DNAH12: variants seen among roughly 807,000 people sequenced by gnomAD.
DNAH12 encodes the protein axonemal beta dynein heavy chain 12.
DNAH12 carries 285 observed loss-of-function variants against 371.5 expected under a neutral mutation model. That is an observed-to-expected ratio of 0.77 (90% CI 0.70 to 0.85). The LOEUF (loss-of-function observed/expected upper bound fraction) is 0.85. DNAH12 is among the 40% of genes least tolerant of loss of function. DNAH12 has a pLI of 0.00. For synonymous variants in DNAH12, 1,200 were observed against 1,213.0 expected, an observed-to-expected ratio of 0.99 and a Z score of 0.22; for missense variants, 3,611 against 3,689.4, an observed-to-expected ratio of 0.98 and a Z score of 0.55.
At position 57,325,641 on chromosome 3, in the gene DNAH12, G is replaced by A. The variant is rs556884186; in HGVS notation, c.9979-2022C>T. 2.6e-5 allele frequency among the ~76,000 whole-genome samples: 4 copies of A among 152,220 alleles called. No individual in the cohort carries two copies. The East Asian group carries it at 7.7e-4, about 29-fold the overall frequency. On this transcript the variant is annotated intron_variant, in intron 62 of 73. Coordinates refer to ENST00000495027, the MANE Select transcript of DNAH12 (RefSeq NM_001366028.2). ...GGGGAAAAAACAGAGCAGAAAAACT[G>A]GAAACTCTAAAAAGCAGAGCACCTC...
chr3:57,429,880 T>A lies in DNAH12; in HGVS notation c.4981-106A>T, dbSNP rs148102577. ...AAGTAGCTCCTGTGATATAATGGAATAAGAATTAGAATGGAAGCCAGAAAA... is the reference window on the plus strand; with the variant it reads ...AAGTAGCTCCTGTGATATAATGGAAAAAGAATTAGAATGGAAGCCAGAAAA... On this transcript the variant is annotated intron_variant, in intron 32 of 73. Coordinates refer to ENST00000495027, the MANE Select transcript of DNAH12 (RefSeq NM_001366028.2). 1,075 of 950,864 alleles carry A rather than the reference T, an allele frequency of 1.1e-3. 10 individuals are homozygous for A. In the African/African-American group the frequency reaches 0.017, roughly 15 times the overall value. 58.9% of individuals were successfully genotyped at this position (950,864 alleles called of 1,614,324 possible).
chr3:57,544,754 AG>A (rs774975059), upstream of DNAH12, among the ~76,000 whole-genome samples: 5 of 152,202 alleles, frequency 3.3e-5, no homozygotes, highest in Non-Finnish European at 5.9e-5. Context: ...CAGCACTTCC[AG>A]GAATTCTTTG....
Position 57,373,680 on chromosome 3 carries a change from T to C in DNAH12, c.8759+1691A>G, listed in dbSNP as rs934360941. On this transcript the variant is annotated intron_variant, in intron 55 of 73. Coordinates refer to ENST00000495027, the MANE Select transcript of DNAH12 (RefSeq NM_001366028.2). ...ACAATCTGAATGGTCACGAAACACATGGAAATGGGTTCTAAAACAGAATTA... is the reference window on the plus strand; with the variant it reads ...ACAATCTGAATGGTCACGAAACACACGGAAATGGGTTCTAAAACAGAATTA... Among the ~76,000 whole-genome samples the C allele has an allele frequency of 6.2e-4, 95 of 152,234 alleles. 2 individuals carry two copies. In the East Asian group the frequency reaches 0.017, roughly 28 times the overall value.
rs148298005 is a variant in DNAH12 at position 57,296,814 on chromosome 3, T to C, written c.11532+33A>G. The stretch of plus-strand genomic sequence containing the variant: ...GGTTTAAATACATGACTTAATGTAA[T>C]GATATACTGTTGACTTTAAGGAGTT... On this transcript the variant is annotated intron_variant, in intron 71 of 73. Coordinates refer to ENST00000495027, the MANE Select transcript of DNAH12 (RefSeq NM_001366028.2). The C allele has an allele frequency of 1.9e-4, 290 of 1,547,018 alleles. 1 individual carries two copies. The African/African-American group carries it at 3.7e-3, about 20-fold the overall frequency.
Position 57,539,829 on chromosome 3 carries a change from G to A in DNAH12, c.170+2872C>T, listed in dbSNP as rs28408101. Among the ~76,000 whole-genome samples the A allele has an allele frequency of 4.5e-4, 68 of 151,814 alleles. 3 individuals are homozygous for A. The highest frequency in any genetic ancestry group is 6.8e-3 in the Middle Eastern group (2 of 294). The stretch of plus-strand genomic sequence containing the variant: ...GACAGGGTTTCACTGTGTTAGCCAG[G>A]ATGGTCTTGATCTTCTGACCTTGTG... On this transcript the variant is annotated intron_variant, in intron 2 of 73. Transcript: ENST00000495027.
chr3:57,531,500 G>A (rs1485603676), intron 2 of DNAH12, among the ~76,000 whole-genome samples: 1 of 152,034 alleles, frequency 6.6e-6, no homozygotes, highest in Non-Finnish European at 1.5e-5. Flanking sequence ...GGTGGCTCAC[G>A]TCTGTAATCC....
intron 11 of DNAH12, among the ~76,000 whole-genome samples, chr3:57,491,947 G>A (rs1428635199): frequency 1.3e-5 from 2 of 151,598 alleles, no homozygotes; most frequent in Non-Finnish European, 2.9e-5. Context: ...CAGAGGCTGC[G>A]TTGAGCCGTG....
chr3:57,322,846 C>T (rs557799211), intron 64 of DNAH12, among the ~76,000 whole-genome samples, 161 bp downstream of exon 64: 4 of 152,366 alleles, frequency 2.6e-5, no homozygotes, highest in African/African-American at 9.6e-5. Flanking sequence ...AGGAGAATCG[C>T]TTGAACCCGG....
At chr3:57,479,285 A>G (rs2066651137) in intron 13 of DNAH12, among the ~76,000 whole-genome samples, 1 of 152,132 alleles carries the variant, frequency 6.6e-6, no homozygotes, top group Non-Finnish European at 1.5e-5. Flanking sequence ...TCTCTGATAA[A>G]ACAGACTTTA....
intron 22 of DNAH12, 114 bp from the exon 23 acceptor site, chr3:57,455,008 T>C (rs1357383006): frequency 2.6e-6 from 3 of 1,141,500 alleles, no homozygotes; most frequent in East Asian, 5.9e-5. Context: ...GAATGTCATA[T>C]AGTCATAAAA....
chr3:57,293,831 G>C lies in DNAH12; in HGVS notation c.11833C>G (p.Arg3945Gly). 3 of 1,549,942 alleles carry C rather than the reference G, an allele frequency of 1.9e-6. No homozygotes were observed. Among genetic ancestry groups the C allele is most frequent in the Non-Finnish European group, 1.7e-6 (2 of 1,146,258 alleles). The change falls in exon 74 of 74, where the codon CGG (arginine) becomes GGG (glycine). Residue 3945 changes from arginine to glycine, a missense_variant. Physicochemically the swap from Arg to Gly is moderately radical, Grantham distance 125. Coordinates refer to ENST00000495027, the MANE Select transcript of DNAH12 (RefSeq NM_001366028.2). ...AMLLKTDQPT[R>G]HWIKRGVALL... ...GCAACCCCGCGCTTGATCCAGTGCCGAGTAGGTTGGTCTGTTTTTAACAAC... is the reference window on the plus strand; with the variant it reads ...GCAACCCCGCGCTTGATCCAGTGCCCAGTAGGTTGGTCTGTTTTTAACAAC...
Position 57,421,566 on chromosome 3 carries a change from C to T in DNAH12, c.5514G>A (p.Trp1838Ter), listed in dbSNP as rs2064580359. The T allele has an allele frequency of 1.3e-6, 2 of 1,551,584 alleles. No individual in the cohort carries two copies. Among genetic ancestry groups the T allele is most frequent in the Non-Finnish European group, 1.7e-6 (2 of 1,146,964 alleles). ...GGCCTTTTTCATCAAATGGGCATTC[C>T]CATTTACCCACAGAATCTGGCACTG... is the stretch of plus-strand genomic sequence containing the variant. ...ENPVPDSVGK[W>*]ECPFDEKGLV... The change falls in exon 36 of 74, where the codon TGG (tryptophan) becomes TGA (stop). Residue 1838 changes from tryptophan (W) to a stop codon, truncating the protein, a stop_gained. Coordinates refer to ENST00000495027, the MANE Select transcript of DNAH12 (RefSeq NM_001366028.2). LOFTEE classifies it high-confidence loss of function.
intron 11 of DNAH12, among the ~76,000 whole-genome samples, chr3:57,494,045 C>CT: frequency 6.6e-6 from 1 of 152,084 alleles, no homozygotes; most frequent in Admixed American, 6.6e-5. Context: ...CCAGCCTGAG[C>CT]AATATAGTGA....
chr3:57,500,404 C>G (rs996300005), intron 11 of DNAH12, among the ~76,000 whole-genome samples: 1 of 152,198 alleles, frequency 6.6e-6, no homozygotes, highest in Non-Finnish European at 1.5e-5. Flanking sequence ...ACCTTCAGAA[C>G]AAAGTACAAA....
chr3:57,363,039 T>G (rs953894399), intron 58 of DNAH12, among the ~76,000 whole-genome samples: 2 of 152,206 alleles, frequency 1.3e-5, no homozygotes, highest in African/African-American at 2.4e-5. Context: ...TTGAATTAAT[T>G]TTTGTATAAG....
intron 62 of DNAH12, among the ~76,000 whole-genome samples, chr3:57,328,351 G>C (rs36189846): frequency 0.32 from 45,877 of 143,928 alleles, 6,450 homozygotes; most frequent in African/African-American, 0.44. Flanking sequence ...ACATCAAAAA[G>C]CTTATCCACC....
chr3:57,451,687 C>G (rs1410962424), intron 25 of DNAH12, among the ~76,000 whole-genome samples: 2 of 152,100 alleles, frequency 1.3e-5, no homozygotes, highest in Non-Finnish European at 2.9e-5. Context: ...GGTAGCTAGT[C>G]AGGTATGAGC....
intron 11 of DNAH12, among the ~76,000 whole-genome samples, chr3:57,498,892 G>T (rs111898897): frequency 6.6e-6 from 1 of 151,930 alleles, no homozygotes; most frequent in Non-Finnish European, 1.5e-5. Flanking sequence ...CCAGCTACTC[G>T]GGCGGCTGAA....
intron 60 of DNAH12, among the ~76,000 whole-genome samples, chr3:57,351,668 C>T (rs1291727547): frequency 6.6e-6 from 1 of 152,128 alleles, no homozygotes; most frequent in African/African-American, 2.4e-5. Context: ...ATAAAGAATA[C>T]ATATTACTTG....
Sources: allele counts gnomAD v4.1 joint callset (sites outside exome capture counted in the v4.1 genomes callset), GRCh38; gene constraint gnomAD v4.1.1; transcripts MANE v1.5; gene names NCBI Gene and HGNC (gene_info 2026-07-23, HGNC 2026-07-21).